Variants in ZBTB16 observed in about 807,000 individuals in gnomAD.
ZBTB16 encodes zinc finger and BTB domain-containing protein 16.
Under a neutral mutation model 56.8 loss-of-function variants are expected in ZBTB16, and 8 were observed. That is an observed-to-expected ratio of 0.14 (90% CI 0.08 to 0.25). The LOEUF is 0.25. Ranked by LOEUF, ZBTB16 falls within the 10% of genes least tolerant of loss-of-function variation. The pLI, the probability that ZBTB16 is intolerant of heterozygous loss-of-function variation, is 1.00. For missense variants in ZBTB16, 625 were observed against 903.0 expected (o/e 0.69, Z 3.95); for synonymous variants, 363 against 368.5 (o/e 0.98, Z 0.17).
At chr11:114,144,896 C>T (rs976612826) in intron 2 of ZBTB16, among the ~76,000 whole-genome samples, 12 of 152,172 alleles carry the variant, frequency 7.9e-5, no homozygotes, top group Admixed American at 2.0e-4. Flanking sequence ...TGAGTTTAGA[C>T]GTGGGCTGGA....
chr11:114,191,652 G>C (rs187801856), intron 4 of ZBTB16, among the ~76,000 whole-genome samples: 68 of 152,324 alleles, frequency 4.5e-4, no homozygotes, highest in Non-Finnish European at 7.9e-4. Context: ...TTAGCTCACT[G>C]CCTTGTCATG....
chr11:114,186,951 G>A lies in ZBTB16; in HGVS notation c.1367-1G>A. On this transcript the variant is annotated splice_acceptor_variant, in intron 3 of 6. Coordinates refer to ENST00000335953, the MANE Select transcript of ZBTB16 (RefSeq NM_006006.6). LOFTEE classifies it high-confidence loss of function. ...TGGTAACTGCCTCTCCTTTCTTTCA[G>A]CGGGTGCCAAAGCCTTTGTCTGTGA... 1 of 1,613,992 alleles carries A rather than the reference G, an allele frequency of 6.2e-7. No homozygotes were observed.
At chr11:114,149,697 C>T (rs1434530881) in intron 2 of ZBTB16, among the ~76,000 whole-genome samples, 2 of 152,078 alleles carry the variant, frequency 1.3e-5, no homozygotes, top group South Asian at 2.1e-4. Flanking sequence ...TGGTAATACC[C>T]GCTAAGCATT....
chr11:114,093,946 T>C (rs576159357), intron 2 of ZBTB16, among the ~76,000 whole-genome samples: 1 of 152,384 alleles, frequency 6.6e-6, no homozygotes, highest in East Asian at 1.9e-4. Flanking sequence ...GTGTTTGGAA[T>C]AGTGACAACG....
chr11:114,208,961 C>T (rs1175681736), intron 4 of ZBTB16, among the ~76,000 whole-genome samples: 2 of 152,142 alleles, frequency 1.3e-5, no homozygotes, highest in African/African-American at 4.8e-5. Context: ...TCCATAACCT[C>T]TAGAGTAGAA....
intron 4 of ZBTB16, among the ~76,000 whole-genome samples, chr11:114,214,182 G>A (rs761885942): frequency 2.0e-5 from 3 of 152,160 alleles, no homozygotes; most frequent in Non-Finnish European, 2.9e-5. Flanking sequence ...ATAGTAAGGG[G>A]ACAGTGCCTT....
intron 2 of ZBTB16, among the ~76,000 whole-genome samples, chr11:114,124,651 A>G (rs1941451370): frequency 1.3e-5 from 2 of 151,736 alleles, no homozygotes; most frequent in South Asian, 4.2e-4. Context: ...CATTTCGGCC[A>G]CTGGCAAATC....
Position 114,236,652 on chromosome 11 carries a change from C to G in ZBTB16, c.1454-5515C>G, listed in dbSNP as rs1944597524. ...ACTGTAGTCTGAACTTTCCTCATCC[C>G]TAGCCCTCTGTCTGTACCATGACTC... On this transcript the variant is annotated intron_variant, in intron 4 of 6. Transcript: ENST00000335953. Among the ~76,000 whole-genome samples the G allele has an allele frequency of 3.3e-5, 5 of 152,312 alleles. No individual in the cohort carries two copies. In the South Asian group the frequency reaches 1.0e-3, roughly 32 times the overall value.
chr11:114,068,579 A>G (rs1456144827), intron 2 of ZBTB16, among the ~76,000 whole-genome samples: 1 of 152,236 alleles, frequency 6.6e-6, no homozygotes, highest in East Asian at 1.9e-4. Flanking sequence ...TAAACAAACC[A>G]GAAGGAAGTC....
chr11:114,061,862 T>C (rs887428997), intron 1 of ZBTB16, among the ~76,000 whole-genome samples: 1 of 152,146 alleles, frequency 6.6e-6, no homozygotes, highest in African/African-American at 2.4e-5. Flanking sequence ...CAGCATCCCT[T>C]GCTGCCCCTG....
intron 5 of ZBTB16, among the ~76,000 whole-genome samples, chr11:114,243,727 C>T (rs1049377342): frequency 6.6e-6 from 1 of 152,200 alleles, no homozygotes; most frequent in Non-Finnish European, 1.5e-5. Context: ...CAGGTTCATT[C>T]GGTCTTATGA....
intron 6 of ZBTB16, among the ~76,000 whole-genome samples, chr11:114,249,598 T>C (rs1387922636): frequency 1.2e-4 from 17 of 139,656 alleles, no homozygotes; most frequent in African/African-American, 4.7e-4. Flanking sequence ...ACCCCGTCTC[T>C]ACTAAAAATA....
Position 114,095,022 on chromosome 11 carries a change from C to A in ZBTB16, c.1268+30454C>A, listed in dbSNP as rs531158567. ...GGGGCCTGTCTGCATGTTCTGGCAT[C>A]CATAAAGCTGCCTGCAAACGTGAGA... On this transcript the variant is annotated intron_variant, in intron 2 of 6. Coordinates refer to ENST00000335953, the MANE Select transcript of ZBTB16 (RefSeq NM_006006.6). Among the ~76,000 whole-genome samples, 171 of 152,324 alleles carry A rather than the reference C, an allele frequency of 1.1e-3. 1 individual carries two copies. The highest frequency in any genetic ancestry group is 3.2e-3 in the Admixed American group (49 of 15,308).
intron 2 of ZBTB16, among the ~76,000 whole-genome samples, chr11:114,100,242 A>T (rs1285695271): frequency 6.6e-6 from 1 of 152,210 alleles, no homozygotes; most frequent in African/African-American, 2.4e-5. Flanking sequence ...TGGCTTATCC[A>T]GTCATCTCTC....
Position 114,064,387 on chromosome 11 carries a change from G to T in ZBTB16, c.1087G>T (p.Ala363Ser), listed in dbSNP as rs955615317. 2 of 1,613,958 alleles carry T rather than the reference G, an allele frequency of 1.2e-6. No individual in the cohort carries two copies. The highest frequency in any genetic ancestry group is 1.7e-6 in the Non-Finnish European group (2 of 1,180,040). Reference sequence around the variant, plus strand: ...TGGCCTCCACGTGCAGCCTGCCCTGGCTGTCTCCATGGACTTCAGCACCTA... The same window carrying T: ...TGGCCTCCACGTGCAGCCTGCCCTGTCTGTCTCCATGGACTTCAGCACCTA... ...TSGLHVQPAL[A>S]VSMDFSTYGG... Residue 363 changes from alanine (A) to serine (S), a missense_variant, in exon 2 of 7, where the codon GCT (alanine) becomes TCT (serine). Physicochemically the swap from Ala to Ser is moderately conservative, Grantham distance 99 (BLOSUM62 1). This residue lies in a region of ZBTB16 where 384 missense variants were observed against 393.5 expected (regional missense o/e 0.98). Coordinates refer to ENST00000335953, the MANE Select transcript of ZBTB16 (RefSeq NM_006006.6). The surrounding 1 kb of genome is among the most constrained non-coding windows in gnomAD (Gnocchi z 4.2).
At chr11:114,230,276 A>G (rs905558292) in intron 4 of ZBTB16, among the ~76,000 whole-genome samples, 36 of 152,178 alleles carry the variant, frequency 2.4e-4, no homozygotes, top group Non-Finnish European at 2.9e-5. Flanking sequence ...AACAAACGCA[A>G]GGAGCCCTGA....
chr11:114,256,034 T>G lies in ZBTB16; in HGVS notation c.*5479T>G, dbSNP rs77004081. On this transcript the variant is annotated 3_prime_UTR_variant, in exon 7 of 7. Transcript: ENST00000335953. Reference sequence around the variant, plus strand: ...TTGGTTTTGTTTTGTTTTTTTTTTTTGTTTTTTTTGCCTTTTCTTGTGTGG... The same window carrying G: ...TTGGTTTTGTTTTGTTTTTTTTTTTGGTTTTTTTTGCCTTTTCTTGTGTGG... Among the ~76,000 whole-genome samples the G allele has an allele frequency of 0.054, 3,476 of 64,682 alleles. 143 individuals are homozygous for G. The highest frequency in any genetic ancestry group is 0.15 in the African/African-American group (3,159 of 21,406). 42.4% of individuals were successfully genotyped at this position (64,682 alleles called of 152,430 possible).
chr11:114,143,991 G>T lies in ZBTB16; in HGVS notation c.1269-12346G>T, dbSNP rs775278528. Among the ~76,000 whole-genome samples the T allele has an allele frequency of 1.3e-5, 2 of 152,184 alleles. No individual in the cohort carries two copies. The highest frequency in any genetic ancestry group is 4.8e-5 in the African/African-American group (2 of 41,434). ...TGCGTGTAAGGAGCAAGAGGAGCAC[G>T]CAAGCTGCCTGGTGCTTTTCCCCAT... On this transcript the variant is annotated intron_variant, in intron 2 of 6. Transcript: ENST00000335953. This position sits in a 1 kb window ranked among gnomAD's most constrained non-coding sequence, Gnocchi z 6.4.
chr11:114,137,392 TG>T (rs1941827885), intron 2 of ZBTB16, among the ~76,000 whole-genome samples: 1 of 152,066 alleles, frequency 6.6e-6, no homozygotes, highest in African/African-American at 2.4e-5. Context: ...GGGAAAGAAA[TG>T]GAAGTGGAAA....
Sources: allele counts gnomAD v4.1 joint callset (sites outside exome capture counted in the v4.1 genomes callset), GRCh38; gene constraint gnomAD v4.1.1; regional missense constraint gnomAD v4.1.1; non-coding constraint Gnocchi (gnomAD v3.1); transcripts MANE v1.5; gene names NCBI Gene and HGNC (gene_info 2026-07-23, HGNC 2026-07-21).